Variants in SNX13 observed in about 807,000 individuals in gnomAD.
SNX13 encodes the protein sorting nexin 13, also known as sorting nexin-13.
Under a neutral mutation model 133.6 loss-of-function variants are expected in SNX13, and 45 were observed. The observed-to-expected ratio is 0.34, with a 90% confidence interval of 0.27 to 0.43. The LOEUF is 0.43. Among genes scored for constraint, SNX13 ranks in the 20% least tolerant of loss-of-function variants. The probability of loss-of-function intolerance (pLI) is 1.00; values close to 1 mark genes in which losing one functional copy is unlikely to be tolerated. For synonymous variants in SNX13, 414 were observed against 373.9 expected, an observed-to-expected ratio of 1.11 and a Z score of -1.24; for missense variants, 1,032 against 1,145.1, an observed-to-expected ratio of 0.90 and a Z score of 1.43.
intron 5 of SNX13, chr7:17,881,734 C>T (rs886757240): frequency 2.6e-5 from 4 of 152,100 alleles, no homozygotes; most frequent in Admixed American, 6.6e-5. Flanking sequence ...ATATACTACT[C>T]TTCACTCTAA....
chr7:17,850,276 T>C (rs1791053643), intron 11 of SNX13, 71 bp downstream of exon 11: 1 of 980,406 alleles, frequency 1.0e-6, no homozygotes, highest in African/African-American at 1.7e-5. Flanking sequence ...TTTTTGTCCT[T>C]TACTGTGCAT....
In SNX13 at chr7:17,840,008, T is replaced by A; in HGVS notation, c.1166-8A>T. ...CAGTTTGCTGCATGTAATCTAGCAA[T>A]CAAAAATCCATAATAACATAAATAT... On this transcript the variant is annotated splice_polypyrimidine_tract_variant and splice_region_variant and intron_variant, in intron 12 of 25. Transcript: ENST00000428135. 1 of 1,602,578 alleles carries A rather than the reference T, an allele frequency of 6.2e-7. No homozygotes were observed. The highest frequency in any genetic ancestry group is 8.5e-7 in the Non-Finnish European group (1 of 1,174,446).
At chr7:17,894,948 G>A (rs977033883) in intron 2 of SNX13, among the ~76,000 whole-genome samples, 8 of 152,064 alleles carry the variant, frequency 5.3e-5, no homozygotes, top group African/African-American at 1.9e-4. Context: ...CATTAATTCT[G>A]TTTTTGTTAT....
chr7:17,823,923 A>G (rs1458991743), intron 17 of SNX13, among the ~76,000 whole-genome samples: 1 of 152,190 alleles, frequency 6.6e-6, no homozygotes, highest in Non-Finnish European at 1.5e-5. Flanking sequence ...GATATAAGAA[A>G]GAATAATCAG....
At chr7:17,882,797 A>C in intron 5 of SNX13, 1 of 1,242,036 alleles carries the variant, frequency 8.1e-7, no homozygotes, top group South Asian at 1.4e-5. Context: ...AATTCCCTGT[A>C]ATTTCAGAGC....
chr7:17,864,419 G>T (rs1472529802), intron 9 of SNX13, among the ~76,000 whole-genome samples: 1 of 152,082 alleles, frequency 6.6e-6, no homozygotes, highest in East Asian at 1.9e-4. Context: ...AATTGGTCCA[G>T]CAAAAGGAAG....
chr7:17,929,225 T>TATA (rs1465711443), intron 1 of SNX13, among the ~76,000 whole-genome samples: 1 of 152,010 alleles, frequency 6.6e-6, no homozygotes, highest in East Asian at 1.9e-4. Flanking sequence ...AGTGTAACTA[T>TATA]ATAAAGGAAT....
intron 17 of SNX13, among the ~76,000 whole-genome samples, chr7:17,825,219 T>G (rs572251386): frequency 6.6e-6 from 1 of 151,802 alleles, no homozygotes; most frequent in South Asian, 2.1e-4. Flanking sequence ...AAGATCTATT[T>G]TAAAAAGATA....
chr7:17,856,812 G>GA (rs1791953931), intron 9 of SNX13, among the ~76,000 whole-genome samples: 2 of 134,592 alleles, frequency 1.5e-5, no homozygotes, highest in African/African-American at 2.8e-5. Context: ...AAGAAAGAAA[G>GA]AAAGAAAAGA....
chr7:17,801,009 CA>C (rs1562651794), intron 22 of SNX13, among the ~76,000 whole-genome samples: 3,877 of 120,040 alleles, frequency 0.032, 387 homozygotes, highest in African/African-American at 0.095. Context: ...TAAAACTGAA[CA>C]TATATATATA....
rs1227275360 is a variant in SNX13, at chr7:17,793,954, C to G, written c.*91G>C. On this transcript the variant is annotated 3_prime_UTR_variant, in exon 26 of 26. Coordinates refer to ENST00000428135, the MANE Select transcript of SNX13 (RefSeq NM_015132.5). ...ATTTTGAGACACTAAAAGACTGGTG[C>G]AGACACAACAGTATTTGAGTTAAGC... The G allele has an allele frequency of 7.3e-7, 1 of 1,377,676 alleles. No individual in the cohort carries two copies. Among genetic ancestry groups the G allele is most frequent in the South Asian group, 1.4e-5 (1 of 70,146 alleles). 85.3% of individuals were successfully genotyped at this position (1,377,676 alleles called of 1,614,324 possible).
intron 1 of SNX13, among the ~76,000 whole-genome samples, chr7:17,912,610 C>T (rs1246684644): frequency 6.6e-6 from 1 of 152,056 alleles, no homozygotes; most frequent in Non-Finnish European, 1.5e-5. Context: ...GGGGTTTACA[C>T]CATGTTGGCC....
At chr7:17,804,947 A>G (rs188543077) in intron 20 of SNX13, among the ~76,000 whole-genome samples, 265 of 152,308 alleles carry the variant, frequency 1.7e-3, no homozygotes, top group African/African-American at 6.0e-3. Flanking sequence ...GGTAAAATGC[A>G]TATTAATAAA....
chr7:17,910,502 G>A lies in SNX13; in HGVS notation c.13-13056C>T, dbSNP rs539444601. ...GGTGCTGCCACTGTGTAAAACAATC[G>A]GCAGTTTCTCAAAAAATTGAACACA... On this transcript the variant is annotated intron_variant, in intron 1 of 25. Coordinates refer to ENST00000428135, the MANE Select transcript of SNX13 (RefSeq NM_015132.5). Among the ~76,000 whole-genome samples, 63 of 152,186 alleles carry A rather than the reference G, an allele frequency of 4.1e-4. No homozygotes were observed. In the South Asian group the frequency reaches 9.1e-3, roughly 22 times the overall value.
intron 1 of SNX13, among the ~76,000 whole-genome samples, chr7:17,919,494 C>G (rs1181042606): frequency 1.3e-5 from 2 of 152,124 alleles, no homozygotes; most frequent in Admixed American, 6.5e-5. Flanking sequence ...AATTCTCAGC[C>G]AAATGATGTC....
intron 1 of SNX13, among the ~76,000 whole-genome samples, chr7:17,928,615 T>C (rs1801029538): frequency 6.6e-6 from 1 of 152,248 alleles, no homozygotes; most frequent in African/African-American, 2.4e-5. Flanking sequence ...TTAACTTAGA[T>C]TCAAAAAATT....
At chr7:17,918,384 G>A (rs184241387) in intron 1 of SNX13, among the ~76,000 whole-genome samples, 98 of 150,552 alleles carry the variant, frequency 6.5e-4, no homozygotes, top group African/African-American at 2.3e-3. Context: ...CTATAAATCT[G>A]ACAAAGGAAT....
intron 13 of SNX13, among the ~76,000 whole-genome samples, chr7:17,838,973 T>TTA (rs1321919304): frequency 6.7e-6 from 1 of 150,238 alleles, no homozygotes; most frequent in African/African-American, 2.4e-5. Flanking sequence ...ACATTACCTA[T>TTA]TATATATATA....
chr7:17,855,256 T>C (rs1238804563), intron 9 of SNX13, among the ~76,000 whole-genome samples: 2 of 152,118 alleles, frequency 1.3e-5, no homozygotes, highest in Non-Finnish European at 2.9e-5. Context: ...AGAAGCTGTC[T>C]CCATAACACA....
Sources: gnomAD v4.1 joint callset for allele counts (sites outside exome capture counted in the v4.1 genomes callset) on GRCh38, gnomAD v4.1.1 for gene constraint, MANE v1.5 for transcripts, NCBI Gene and HGNC (gene_info 2026-07-23, HGNC 2026-07-21) for gene names.